Variants in CNTNAP5 observed in about 807,000 individuals in gnomAD.
CNTNAP5 encodes the protein contactin-associated protein-like 5.
In CNTNAP5, 72 loss-of-function variants were observed where a neutral mutation model predicts 150.2. The observed-to-expected ratio is 0.48, with a 90% CI of 0.40 to 0.58. CNTNAP5 has a LOEUF of 0.58. CNTNAP5 is among the 20% of genes least tolerant of loss of function. CNTNAP5 has a pLI of 0.00. For synonymous variants in CNTNAP5, 672 were observed against 619.8 expected, an observed-to-expected ratio of 1.08 and a Z score of -1.25; for missense variants, 1,636 against 1,626.2, an observed-to-expected ratio of 1.01 and a Z score of -0.10.
At chr2:124,299,117 G>GC (rs1297026451) in intron 3 of CNTNAP5, among the ~76,000 whole-genome samples, 4 of 152,110 alleles carry the variant, frequency 2.6e-5, no homozygotes, top group Admixed American at 2.6e-4. Context: ...AGAGAATCCT[G>GC]CTAGTATATG....
chr2:124,348,595 G>A (rs954236273), intron 3 of CNTNAP5, among the ~76,000 whole-genome samples: 1 of 152,134 alleles, frequency 6.6e-6, no homozygotes, highest in Non-Finnish European at 1.5e-5. Flanking sequence ...CATGTAGAAA[G>A]AAGAGTATTT....
chr2:124,759,540 C>T (rs981362205), intron 14 of CNTNAP5, among the ~76,000 whole-genome samples: 27 of 149,490 alleles, frequency 1.8e-4, no homozygotes, highest in African/African-American at 4.6e-4. Flanking sequence ...ACATCTCTAA[C>T]GTCTTGAGGG....
At chr2:124,579,512 C>G (rs907063343) in intron 11 of CNTNAP5, among the ~76,000 whole-genome samples, 4 of 152,202 alleles carry the variant, frequency 2.6e-5, no homozygotes, top group Non-Finnish European at 2.9e-5. Flanking sequence ...GACTCTTCAT[C>G]TAGCTCATTC....
rs148072488 is a variant in CNTNAP5, at chr2:124,331,635, T to A, written c.382-85808T>A. ...CTTCATTAAAAATAGGATCACAGAT[T>A]ATTACAAAATAATAGTCATTCATTC... On this transcript the variant is annotated intron_variant, in intron 3 of 23. Transcript: ENST00000682447. 3.1e-3 allele frequency among the ~76,000 whole-genome samples: 466 copies of A among 152,142 alleles called. 4 individuals are homozygous for A. Among genetic ancestry groups the A allele is most frequent in the African/African-American group, 0.011 (443 of 41,558 alleles).
intron 1 of CNTNAP5, among the ~76,000 whole-genome samples, chr2:124,200,814 C>T (rs932472415): frequency 1.3e-5 from 2 of 152,162 alleles, no homozygotes; most frequent in Admixed American, 6.5e-5. Flanking sequence ...GATGCTTCTC[C>T]GGTTGCTCAT....
At chr2:124,460,637 A>G (rs1693224106) in intron 6 of CNTNAP5, among the ~76,000 whole-genome samples, 1 of 152,150 alleles carries the variant, frequency 6.6e-6, no homozygotes, top group African/African-American at 2.4e-5. Flanking sequence ...AATTGGATGA[A>G]TTTTATTTCT....
At chr2:124,369,924 A>G (rs1330187717) in intron 3 of CNTNAP5, among the ~76,000 whole-genome samples, 2 of 152,152 alleles carry the variant, frequency 1.3e-5, no homozygotes, top group African/African-American at 2.4e-5. Context: ...GTCATGGAGC[A>G]GTTTCACTCA....
At chr2:124,632,068 T>C (rs1022266901) in intron 12 of CNTNAP5, among the ~76,000 whole-genome samples, 9 of 151,680 alleles carry the variant, frequency 5.9e-5, no homozygotes, top group Non-Finnish European at 1.2e-4. Flanking sequence ...GCTGGCGAGG[T>C]TGCAGAGAAA....
chr2:124,216,299 G>C (rs1227815285), intron 1 of CNTNAP5, among the ~76,000 whole-genome samples: 1 of 151,572 alleles, frequency 6.6e-6, no homozygotes, highest in Admixed American at 6.6e-5. Flanking sequence ...GAAAAATGGG[G>C]AATCAAAAAT....
At chr2:124,418,650 G>T (rs1390771417) in intron 4 of CNTNAP5, among the ~76,000 whole-genome samples, 2 of 152,288 alleles carry the variant, frequency 1.3e-5, no homozygotes. Context: ...CTTTCAGAAA[G>T]AATATGGTTT....
intron 18 of CNTNAP5, among the ~76,000 whole-genome samples, chr2:124,795,256 T>A (rs1010506709): frequency 3.3e-5 from 5 of 152,020 alleles, no homozygotes; most frequent in African/African-American, 9.7e-5. Context: ...CATGTGTAGA[T>A]TCAGGTTTTA....
intron 10 of CNTNAP5, among the ~76,000 whole-genome samples, chr2:124,535,941 A>G (rs1573443441): frequency 6.6e-6 from 1 of 152,210 alleles, no homozygotes; most frequent in East Asian, 1.9e-4. Context: ...TCTTGCTAAA[A>G]ACCCACCCTG....
chr2:124,391,936 A>T (rs977690080), intron 3 of CNTNAP5, among the ~76,000 whole-genome samples: 1 of 148,630 alleles, frequency 6.7e-6, no homozygotes. Flanking sequence ...AGCCTGGGTG[A>T]CAGAGCGAGA....
intron 11 of CNTNAP5, among the ~76,000 whole-genome samples, chr2:124,602,140 C>A (rs1406005912): frequency 6.6e-6 from 1 of 151,854 alleles, no homozygotes; most frequent in African/African-American, 2.4e-5. Flanking sequence ...GTCAGGAGTT[C>A]GAGACCAGCC....
At chr2:124,757,736 A>G (rs763545762) in intron 14 of CNTNAP5, among the ~76,000 whole-genome samples, 11 of 152,150 alleles carry the variant, frequency 7.2e-5, no homozygotes, top group Non-Finnish European at 1.2e-4. Context: ...ATGGCCAGGG[A>G]AGGCATCCAC....
In CNTNAP5 at chr2:124,846,758, G is replaced by A. The variant is rs116102330; in HGVS notation, c.3218-18548G>A. Among the ~76,000 whole-genome samples, 781 of 152,260 alleles carry A rather than the reference G, an allele frequency of 5.1e-3. 14 individuals carry two copies. The highest frequency in any genetic ancestry group is 0.018 in the African/African-American group (730 of 41,552). On this transcript the variant is annotated intron_variant, in intron 19 of 23. Coordinates refer to ENST00000682447, the MANE Select transcript of CNTNAP5 (RefSeq NM_001367498.1). ...TAGTGTTAAGATTTTTTCATTCATGGGGTTCTCCTTTGATGGGGTGTTCTC... is the reference window on the plus strand; with the variant it reads ...TAGTGTTAAGATTTTTTCATTCATGAGGTTCTCCTTTGATGGGGTGTTCTC...
chr2:124,083,885 T>A (rs1682617915), intron 1 of CNTNAP5, among the ~76,000 whole-genome samples: 1 of 152,106 alleles, frequency 6.6e-6, no homozygotes, highest in Non-Finnish European at 1.5e-5. Context: ...AACAATTAAT[T>A]ACAGTTTTTG....
At position 124,916,976 on chromosome 2, in the gene CNTNAP5, G is replaced by A. The variant is rs2791627; in HGVS notation, c.*2688G>A. 0.49 allele frequency among the ~76,000 whole-genome samples: 73,770 copies of A among 151,820 alleles called. 18,392 individuals carry two copies. Among genetic ancestry groups the A allele is most frequent in the African/African-American group, 0.55 (22,684 of 41,420 alleles). On this transcript the variant is annotated 3_prime_UTR_variant, in exon 24 of 24. Transcript: ENST00000682447. ...AGAATGTAATTTACAATTAGAAATC[G>A]TGCTAACTCTGACTGTCTTTCCTCA...
intron 2 of CNTNAP5, among the ~76,000 whole-genome samples, chr2:124,238,065 A>G (rs1024350990): frequency 2.0e-5 from 3 of 152,116 alleles, no homozygotes; most frequent in African/African-American, 4.8e-5. Flanking sequence ...GCTGATTTCC[A>G]TGAGAATCAA....
Sources: allele counts gnomAD v4.1 joint callset (sites outside exome capture counted in the v4.1 genomes callset), GRCh38; gene constraint gnomAD v4.1.1; transcripts MANE v1.5; gene names NCBI Gene and HGNC (gene_info 2026-07-23, HGNC 2026-07-21).